Variants in RCSD1 observed in about 807,000 individuals in gnomAD.
RCSD1 encodes the protein capZ-interacting protein.
In RCSD1, 26 loss-of-function variants were observed where a neutral mutation model predicts 42.5. The observed-to-expected ratio is 0.61, with a 90% CI of 0.45 to 0.85. The LOEUF (loss-of-function observed/expected upper bound fraction) is 0.85, where lower values mean the gene tolerates loss of function less well. Ranked by LOEUF, RCSD1 falls within the 40% of genes least tolerant of loss-of-function variation. The pLI is 0.00. For synonymous variants in RCSD1, 220 were observed against 212.2 expected, an observed-to-expected ratio of 1.04 and a Z score of -0.32; for missense variants, 571 against 528.3, an observed-to-expected ratio of 1.08 and a Z score of -0.79.
In RCSD1 at chr1:167,695,840, A is replaced by G. The variant is rs12090644; in HGVS notation, c.475-1259A>G. 3.8e-3 allele frequency among the ~76,000 whole-genome samples: 580 copies of G among 152,228 alleles called. 4 individuals are homozygous for G. The highest frequency in any genetic ancestry group is 0.013 in the African/African-American group (532 of 41,554). On this transcript the variant is annotated intron_variant, in intron 5 of 6. Transcript: ENST00000367854. ...CCAGCCCACTTATATACTGATTTTT[A>G]AAGGATGCATCACTCTAGTAGGTAG...
chr1:167,654,689 G>T (rs1406643703), intron 1 of RCSD1, among the ~76,000 whole-genome samples: 1 of 152,158 alleles, frequency 6.6e-6, no homozygotes, highest in Non-Finnish European at 1.5e-5. Context: ...TTTGAGAAAG[G>T]TTATGTGGGC....
At chr1:167,671,210 C>T (rs1658800016) in intron 1 of RCSD1, among the ~76,000 whole-genome samples, 3 of 152,172 alleles carry the variant, frequency 2.0e-5, no homozygotes, top group South Asian at 4.1e-4. Flanking sequence ...ATCTTGAAGC[C>T]ATTCCTTTAC....
At chr1:167,656,381 G>C (rs759367606) in intron 1 of RCSD1, among the ~76,000 whole-genome samples, 3 of 152,174 alleles carry the variant, frequency 2.0e-5, no homozygotes, top group Non-Finnish European at 2.9e-5. Context: ...TAAACCAAGA[G>C]ACACCTCCTT....
At chr1:167,696,092 A>T (rs962485522) in intron 5 of RCSD1, among the ~76,000 whole-genome samples, 3 of 151,946 alleles carry the variant, frequency 2.0e-5, no homozygotes, top group Non-Finnish European at 4.4e-5. Flanking sequence ...CAGGAAGGAC[A>T]GAGTTAGGCA....
chr1:167,634,920 T>C (rs1172960588), intron 1 of RCSD1, among the ~76,000 whole-genome samples: 5 of 148,868 alleles, frequency 3.4e-5, no homozygotes, highest in Admixed American at 6.8e-5. Flanking sequence ...TCTCACAGAC[T>C]GTCAGTATTA....
chr1:167,643,884 GC>G (rs1389836602), intron 1 of RCSD1, among the ~76,000 whole-genome samples: 1 of 152,184 alleles, frequency 6.6e-6, no homozygotes, highest in Non-Finnish European at 1.5e-5. Context: ...AGCCTCCTGC[GC>G]TTTTGGTGCA....
At chr1:167,644,503 A>C (rs1658084686) in intron 1 of RCSD1, among the ~76,000 whole-genome samples, 1 of 150,230 alleles carries the variant, frequency 6.7e-6, no homozygotes, top group Admixed American at 6.6e-5. Context: ...ATACATACAT[A>C]CATACATACA....
intron 1 of RCSD1, among the ~76,000 whole-genome samples, chr1:167,661,097 A>T (rs1658532420): frequency 6.6e-6 from 1 of 152,262 alleles, no homozygotes; most frequent in Non-Finnish European, 1.5e-5. Context: ...ATCAGTTGAA[A>T]ATAGGAATAA....
rs115592626 is a variant in RCSD1 at position 167,646,566 on chromosome 1, C to T, written c.6+16137C>T. 8.8e-3 allele frequency among the ~76,000 whole-genome samples: 1,313 copies of T among 149,800 alleles called. 21 individuals carry two copies. Among genetic ancestry groups the T allele is most frequent in the African/African-American group, 0.03 (1,232 of 40,636 alleles). On this transcript the variant is annotated intron_variant, in intron 1 of 6. Coordinates refer to ENST00000367854, the MANE Select transcript of RCSD1 (RefSeq NM_052862.4). ...CTTTAAGTTCCGGGATACATGCGTGCAGGTTTGTTACATAGATATACATGT... is the reference window on the plus strand; with the variant it reads ...CTTTAAGTTCCGGGATACATGCGTGTAGGTTTGTTACATAGATATACATGT...
intron 1 of RCSD1, among the ~76,000 whole-genome samples, chr1:167,682,419 C>T (rs113786502): frequency 0.048 from 7,240 of 152,228 alleles, 579 homozygotes; most frequent in African/African-American, 0.16. Context: ...TCAACTGCCT[C>T]GGCCTCCCAA....
chr1:167,630,557 A>AAAT, intron 1 of RCSD1, 128 bp downstream of exon 1: 1 of 1,036,624 alleles, frequency 9.6e-7, no homozygotes, highest in Non-Finnish European at 1.3e-6. Flanking sequence ...CTAGAAGGGC[A>AAAT]AATGCCTGCT....
At position 167,704,929 on chromosome 1, in the gene RCSD1, C is replaced by G. The variant is rs903050425; in HGVS notation, c.*233C>G. 4.1e-6 allele frequency: 2 copies of G among 493,410 alleles called. No individual in the cohort carries two copies. The highest frequency in any genetic ancestry group is 3.9e-5 in the African/African-American group (2 of 51,138). The allele number at this position is 493,410 out of a possible 1,614,324, so 30.6% of individuals were successfully genotyped here. On this transcript the variant is annotated 3_prime_UTR_variant, in exon 7 of 7. Coordinates refer to ENST00000367854, the MANE Select transcript of RCSD1 (RefSeq NM_052862.4). ...GACTTTTATCAGCTTGAGTTTATGTCATTTGATGGACTTGGTTCAACAACA... is the reference window on the plus strand; with the variant it reads ...GACTTTTATCAGCTTGAGTTTATGTGATTTGATGGACTTGGTTCAACAACA...
chr1:167,683,837 G>T lies in RCSD1; in HGVS notation c.7-63G>T, dbSNP rs1659146882. 31 of 1,448,768 alleles carry T rather than the reference G, an allele frequency of 2.1e-5. 2 individuals are homozygous for T. The South Asian group carries it at 3.2e-4, about 15-fold the overall frequency. 89.7% of individuals were successfully genotyped at this position (1,448,768 alleles called of 1,614,324 possible). Reference sequence around the variant, plus strand: ...ATTCCTGCTTGCAGCCACAAAACAGGTGCCTTGCATGGCATCTGGTACCCA... The same window carrying T: ...ATTCCTGCTTGCAGCCACAAAACAGTTGCCTTGCATGGCATCTGGTACCCA... On this transcript the variant is annotated intron_variant, in intron 1 of 6. Transcript: ENST00000367854.
chr1:167,656,261 T>G (rs1308791055), intron 1 of RCSD1, among the ~76,000 whole-genome samples: 12 of 152,172 alleles, frequency 7.9e-5, no homozygotes, highest in Admixed American at 7.9e-4. Flanking sequence ...TTCTATGACA[T>G]AATCCTCCCT....
chr1:167,663,449 T>A (rs1191968503), intron 1 of RCSD1: 1 of 152,464 alleles, frequency 6.6e-6, no homozygotes, highest in African/African-American at 2.4e-5. Flanking sequence ...CAAGCAGTCT[T>A]CCCTCTGAAG....
chr1:167,697,049 G>C, intron 5 of RCSD1, 50 bp from the exon 6 acceptor site: 2 of 1,552,756 alleles, frequency 1.3e-6, no homozygotes, highest in Non-Finnish European at 1.7e-6. Context: ...TCCTCCTCTT[G>C]GCCTTTTTTT....
chr1:167,642,171 C>T lies in RCSD1; in HGVS notation c.6+11742C>T, dbSNP rs73031891. Among the ~76,000 whole-genome samples the T allele has an allele frequency of 4.5e-3, 692 of 152,298 alleles. 7 individuals are homozygous for T. Among genetic ancestry groups the T allele is most frequent in the African/African-American group, 0.016 (662 of 41,560 alleles). On this transcript the variant is annotated intron_variant, in intron 1 of 6. Transcript: ENST00000367854. ...GCAGGAAGTACCATCCTCTCATGGCCTCCAAATGATGAGAGCTAGAAGTAC... is the reference window on the plus strand; with the variant it reads ...GCAGGAAGTACCATCCTCTCATGGCTTCCAAATGATGAGAGCTAGAAGTAC...
chr1:167,633,111 G>A (rs1488326052), intron 1 of RCSD1, among the ~76,000 whole-genome samples: 3 of 152,198 alleles, frequency 2.0e-5, no homozygotes, highest in African/African-American at 7.2e-5. Context: ...CGTATTATTG[G>A]AAGTCTTTGA....
chr1:167,685,535 A>G (rs1324194749), intron 3 of RCSD1, 25 bp downstream of exon 3: 1 of 1,593,744 alleles, frequency 6.3e-7, no homozygotes, highest in Non-Finnish European at 8.6e-7. Flanking sequence ...TGGGGCTCAG[A>G]GGATGCTGTG....
Sources: allele counts gnomAD v4.1 joint callset (sites outside exome capture counted in the v4.1 genomes callset), GRCh38; gene constraint gnomAD v4.1.1; transcripts MANE v1.5; gene names NCBI Gene and HGNC (gene_info 2026-07-23, HGNC 2026-07-21).